KATNAL2: variants seen among roughly 807,000 people sequenced by gnomAD.
KATNAL2 encodes the protein katanin p60 ATPase-containing subunit A-like 2.
In KATNAL2, 52 loss-of-function variants were observed where a neutral mutation model predicts 76.3. The observed-to-expected ratio is 0.68, with a 90% confidence interval of 0.55 to 0.86. The LOEUF (loss-of-function observed/expected upper bound fraction) is 0.86. Ranked by LOEUF, KATNAL2 falls within the 40% of genes least tolerant of loss-of-function variation. The pLI is 0.00. For missense variants in KATNAL2, 660 were observed against 668.9 expected, an observed-to-expected ratio of 0.99 and a Z score of 0.15; for synonymous variants, 243 against 244.2, an observed-to-expected ratio of 1.00 and a Z score of 0.05.
At chr18:46,951,099 C>T (rs1048978471) in intron 3 of KATNAL2, among the ~76,000 whole-genome samples, 2 of 152,190 alleles carry the variant, frequency 1.3e-5, no homozygotes, top group Non-Finnish European at 2.9e-5. Flanking sequence ...CTCCCACCAT[C>T]AGTATGTATT....
At chr18:47,043,010 G>A (rs1178517395) in intron 3 of KATNAL2, among the ~76,000 whole-genome samples, 2 of 152,030 alleles carry the variant, frequency 1.3e-5, no homozygotes, top group Non-Finnish European at 2.9e-5. Flanking sequence ...GGCGGATCAC[G>A]AGGCCAGGAG....
chr18:47,025,326 C>T (rs1310129909), intron 3 of KATNAL2, among the ~76,000 whole-genome samples: 3 of 118,090 alleles, frequency 2.5e-5, no homozygotes, highest in Non-Finnish European at 3.7e-5. Context: ...CTTGCTCTGG[C>T]CTGCAGCTGA....
chr18:46,961,916 C>T (rs1000231758), intron 3 of KATNAL2, among the ~76,000 whole-genome samples: 16 of 152,150 alleles, frequency 1.1e-4, no homozygotes, highest in Non-Finnish European at 2.2e-4. Flanking sequence ...GGGTTTGCTA[C>T]TAAGAATATA....
chr18:46,957,249 C>CTT (rs1223846865), intron 3 of KATNAL2, among the ~76,000 whole-genome samples: 4,520 of 73,712 alleles, frequency 0.061, 200 homozygotes, highest in Non-Finnish European at 0.085. Flanking sequence ...TTGCCCTCTT[C>CTT]TTTTTTTTTT....
At chr18:47,044,864 G>T (rs2061102260) in intron 3 of KATNAL2, among the ~76,000 whole-genome samples, 3 of 152,018 alleles carry the variant, frequency 2.0e-5, no homozygotes, top group African/African-American at 7.2e-5. Flanking sequence ...TAAGAAGATT[G>T]CTTGAGGCCA....
intron 3 of KATNAL2, among the ~76,000 whole-genome samples, chr18:46,961,998 C>T (rs558525636): frequency 4.6e-4 from 70 of 152,328 alleles, no homozygotes; most frequent in African/African-American, 1.3e-3. Context: ...CAGGCATTAA[C>T]ATTTTTCCTT....
intron 5 of KATNAL2, among the ~76,000 whole-genome samples, chr18:47,053,368 G>A (rs1468369968): frequency 6.6e-6 from 1 of 152,182 alleles, no homozygotes; most frequent in African/African-American, 2.4e-5. Flanking sequence ...GTTGGAAGAG[G>A]ATAAATGACA....
chr18:47,052,849 AT>A, intron 4 of KATNAL2, 30 bp from the exon 5 acceptor site: 2 of 1,533,364 alleles, frequency 1.3e-6, no homozygotes, highest in Non-Finnish European at 1.8e-6. Context: ...ACCTCAGTTA[AT>A]TTCTTCTTTT....
intron 3 of KATNAL2, among the ~76,000 whole-genome samples, chr18:47,032,123 A>T (rs995662965): frequency 6.6e-6 from 1 of 152,230 alleles, no homozygotes; most frequent in Non-Finnish European, 1.5e-5. Flanking sequence ...CCATTCTTTC[A>T]TAGGGGTTCT....
intron 15 of KATNAL2, among the ~76,000 whole-genome samples, chr18:47,088,550 T>C (rs2062870594): frequency 6.6e-6 from 1 of 152,148 alleles, no homozygotes. Context: ...GTTTATTATG[T>C]GTTTTGTAAT....
In KATNAL2 at chr18:47,084,847, TAAAAAAAAAAA is replaced by T. The variant is rs34034453; in HGVS notation, c.1211+7404_1211+7414del. On this transcript the variant is annotated intron_variant, in intron 15 of 17. Transcript: ENST00000683218. The stretch of plus-strand genomic sequence containing the variant: ...CTGGATGACAGAGCAAGACTCTGTC[TAAAAAAAAAAA>T]AAAAAAAAAAAAAAAAAGCCTGCCT... Among the ~76,000 whole-genome samples, 43 of 25,536 alleles carry T rather than the reference TAAAAAAAAAAA, an allele frequency of 1.7e-3. 1 individual carries two copies. Among genetic ancestry groups the T allele is most frequent in the Admixed American group, 3.4e-3 (5 of 1,474 alleles). The allele number at this position is 25,536 out of a possible 152,430, so 16.8% of individuals were successfully genotyped here. A position where few individuals can be genotyped will look rare whatever the true frequency, so the allele number is the denominator to read the frequency against.
intron 1 of KATNAL2, among the ~76,000 whole-genome samples, chr18:46,936,761 G>A (rs1327686875): frequency 6.6e-6 from 1 of 152,126 alleles, no homozygotes; most frequent in Non-Finnish European, 1.5e-5. Context: ...AGACCAGCCT[G>A]GCCAACATGG....
chr18:46,955,763 G>T (rs1311402122), intron 3 of KATNAL2, among the ~76,000 whole-genome samples: 2 of 152,082 alleles, frequency 1.3e-5, no homozygotes, highest in Admixed American at 6.6e-5. Flanking sequence ...ATGTTGCTCA[G>T]GCCAGTCTTG....
At chr18:46,960,333 G>C (rs1426616402) in intron 3 of KATNAL2, among the ~76,000 whole-genome samples, 1 of 151,948 alleles carries the variant, frequency 6.6e-6, no homozygotes, top group East Asian at 1.9e-4. Context: ...CAGCTACTCG[G>C]GAGGCTAATT....
At chr18:47,071,560 T>G (rs2062001037) in intron 13 of KATNAL2, among the ~76,000 whole-genome samples, 1 of 151,972 alleles carries the variant, frequency 6.6e-6, no homozygotes, top group Non-Finnish European at 1.5e-5. Flanking sequence ...TCTTAAAAGA[T>G]ACCACCCAGA....
At chr18:46,937,178 C>G (rs2059118729) in intron 1 of KATNAL2, among the ~76,000 whole-genome samples, 1 of 152,076 alleles carries the variant, frequency 6.6e-6, no homozygotes, top group South Asian at 2.1e-4. Flanking sequence ...TGAGAATGTA[C>G]TTTACCTCTG....
In KATNAL2 at chr18:46,926,062, G is replaced by A. The variant is rs2058719885; in HGVS notation, c.-510+8136G>A. On this transcript the variant is annotated intron_variant, in intron 1 of 17. Coordinates refer to ENST00000683218, the MANE Select transcript of KATNAL2 (RefSeq NM_001387690.1). ...TCCTGGATTCATTAATTTTTTGAAG[G>A]GTTTTTTGTGTCTCTATTTCCTACA... is the stretch of plus-strand genomic sequence containing the variant. Among the ~76,000 whole-genome samples the A allele has an allele frequency of 2.0e-5, 3 of 152,122 alleles. No individual in the cohort carries two copies. The South Asian group carries it at 6.2e-4, about 32-fold the overall frequency.
chr18:47,051,036 C>T (rs535855827), intron 4 of KATNAL2, among the ~76,000 whole-genome samples: 7 of 152,284 alleles, frequency 4.6e-5, no homozygotes, highest in South Asian at 2.1e-4. Flanking sequence ...TCCATCTTCT[C>T]GGGCTTGGGT....
rs568142172 is a variant in KATNAL2, at chr18:46,935,106, C to T, written c.-509-10951C>T. 8.5e-5 allele frequency among the ~76,000 whole-genome samples: 13 copies of T among 152,162 alleles called. No homozygotes were observed. In the South Asian group the frequency reaches 2.5e-3, roughly 29 times the overall value. ...TCAAACAAAAGGAAACCTACCAGAG[C>T]AACCAGAAAAAGACTGCAATAAGAG... On this transcript the variant is annotated intron_variant, in intron 1 of 17. Transcript: ENST00000683218.
Sources: gnomAD v4.1 joint callset for allele counts (sites outside exome capture counted in the v4.1 genomes callset) on GRCh38, gnomAD v4.1.1 for gene constraint, MANE v1.5 for transcripts, NCBI Gene and HGNC (gene_info 2026-07-23, HGNC 2026-07-21) for gene names.